The following HHIP variants were observed in gnomAD, a reference collection of about 807,000 sequenced individuals.
HHIP encodes the protein hedgehog-interacting protein.
In HHIP, 12 loss-of-function variants were observed where a neutral mutation model predicts 74.0. The ratio of observed to expected loss-of-function variants is 0.16; its 90% CI spans 0.10 to 0.26. The LOEUF (loss-of-function observed/expected upper bound fraction) is 0.26, where lower values mean the gene tolerates loss of function less well. Ranked by LOEUF, HHIP falls within the 10% of genes least tolerant of loss-of-function variation. The pLI is 1.00. For missense variants in HHIP, 788 were observed against 845.0 expected, an observed-to-expected ratio of 0.93 and a Z score of 0.84; for synonymous variants, 309 against 311.6, an observed-to-expected ratio of 0.99 and a Z score of 0.09.
chr4:144,731,215 C>T (rs544719398), intron 11 of HHIP, among the ~76,000 whole-genome samples: 12 of 152,200 alleles, frequency 7.9e-5, no homozygotes, highest in African/African-American at 2.9e-4. Flanking sequence ...ATAGAAGGGG[C>T]ACAAACACCC....
chr4:144,646,994 T>C, intron 1 of HHIP, 40 bp downstream of exon 1: 1 of 1,539,338 alleles, frequency 6.5e-7, no homozygotes, highest in Middle Eastern at 2.1e-4. Flanking sequence ...ACTTGGCATA[T>C]TGGCTGGGTG....
chr4:144,649,552 A>G (rs929815802), intron 1 of HHIP, among the ~76,000 whole-genome samples: 1 of 152,196 alleles, frequency 6.6e-6, no homozygotes, highest in Non-Finnish European at 1.5e-5. Flanking sequence ...AAGTCATATT[A>G]TCTTAGCAAT....
intron 4 of HHIP, among the ~76,000 whole-genome samples, chr4:144,686,810 A>G (rs1729499863): frequency 6.6e-6 from 1 of 151,918 alleles, no homozygotes; most frequent in African/African-American, 2.4e-5. Context: ...TTTCTTAGCA[A>G]TGCAGCTTGT....
At chr4:144,682,965 G>C (rs910572612) in intron 4 of HHIP, among the ~76,000 whole-genome samples, 1 of 152,112 alleles carries the variant, frequency 6.6e-6, no homozygotes, top group East Asian at 1.9e-4. Flanking sequence ...ATATATTTGC[G>C]TTTAGAGGAA....
chr4:144,717,546 G>T lies in HHIP; in HGVS notation c.1679-1329G>T, dbSNP rs182012799. Among the ~76,000 whole-genome samples, 190 of 152,226 alleles carry T rather than the reference G, an allele frequency of 1.2e-3. No individual in the cohort carries two copies. The Middle Eastern group carries it at 0.014, about 11-fold the overall frequency. On this transcript the variant is annotated intron_variant, in intron 10 of 12. Coordinates refer to ENST00000296575, the MANE Select transcript of HHIP (RefSeq NM_022475.3). Reference sequence around the variant, plus strand: ...ATATAAATTTTAAAACTTTATAAATGTGTAATTATAAATATGGCTTCAAAT... The same window carrying T: ...ATATAAATTTTAAAACTTTATAAATTTGTAATTATAAATATGGCTTCAAAT...
In HHIP at chr4:144,708,150, T is replaced by C; in HGVS notation, c.1158-18T>C. On this transcript the variant is annotated intron_variant, in intron 6 of 12. Coordinates refer to ENST00000296575, the MANE Select transcript of HHIP (RefSeq NM_022475.3). ...TAATGAAAATGTAAAACACATACTC[T>C]GTCCCCCAATTTCTCAGTGATTTCA... The C allele has an allele frequency of 6.2e-7, 1 of 1,613,398 alleles. No individual in the cohort carries two copies. Among genetic ancestry groups the C allele is most frequent in the Non-Finnish European group, 8.5e-7 (1 of 1,179,340 alleles).
In HHIP at chr4:144,724,668, GTA is replaced by G. The variant is rs1019334862; in HGVS notation, c.1760+5724_1760+5725del. ...TTCTTTTGTGTGTGTGTGTGTGTGT[GTA>G]TATATATATATTTATATATATATAT... On this transcript the variant is annotated intron_variant, in intron 11 of 12. Transcript: ENST00000296575. Among the ~76,000 whole-genome samples the G allele has an allele frequency of 1.4e-4, 15 of 106,914 alleles. No individual in the cohort carries two copies. In the East Asian group the frequency reaches 2.3e-3, roughly 16 times the overall value. 70.1% of individuals were successfully genotyped at this position (106,914 alleles called of 152,430 possible). A position where few individuals can be genotyped will look rare whatever the true frequency, so the allele number is the denominator to read the frequency against.
At chr4:144,706,156 G>C (rs1268991659) in intron 4 of HHIP, among the ~76,000 whole-genome samples, 1 of 152,348 alleles carries the variant, frequency 6.6e-6, no homozygotes, top group East Asian at 1.9e-4. Context: ...AGAAGTGACT[G>C]TTGATTATGA....
At chr4:144,647,779 G>A (rs1238413837) in intron 1 of HHIP, among the ~76,000 whole-genome samples, 1 of 152,132 alleles carries the variant, frequency 6.6e-6, no homozygotes, top group African/African-American at 2.4e-5. Context: ...TGCAGTCATG[G>A]GTGGTATCTA....
chr4:144,665,330 A>C (rs1728831158), intron 4 of HHIP, among the ~76,000 whole-genome samples: 1 of 152,142 alleles, frequency 6.6e-6, no homozygotes, highest in Admixed American at 6.5e-5. Flanking sequence ...CAGCCTCCCA[A>C]AGTGCTAGGA....
At chr4:144,727,318 C>T (rs1397525464) in intron 11 of HHIP, among the ~76,000 whole-genome samples, 3 of 152,082 alleles carry the variant, frequency 2.0e-5, no homozygotes, top group Non-Finnish European at 2.9e-5. Flanking sequence ...ATCTTCATGA[C>T]CTTATTTAAA....
intron 4 of HHIP, among the ~76,000 whole-genome samples, chr4:144,663,356 C>T (rs1175676618): frequency 6.6e-6 from 1 of 152,176 alleles, no homozygotes; most frequent in African/African-American, 2.4e-5. Context: ...GGCACCCAGG[C>T]ATCAATATGT....
chr4:144,674,906 G>A (rs1729133204), intron 4 of HHIP, among the ~76,000 whole-genome samples: 1 of 152,130 alleles, frequency 6.6e-6, no homozygotes, highest in African/African-American at 2.4e-5. Context: ...TAGAAACTTG[G>A]TAGGGAACTG....
At chr4:144,654,028 T>C (rs537902000) in intron 2 of HHIP, among the ~76,000 whole-genome samples, 194 of 152,332 alleles carry the variant, frequency 1.3e-3, no homozygotes, top group African/African-American at 4.3e-3. Flanking sequence ...AAATGTTTGC[T>C]GGAAACTTCA....
rs560339413 is a variant in HHIP at position 144,655,403 on chromosome 4, A to G, written c.472+2606A>G. 2.6e-5 allele frequency among the ~76,000 whole-genome samples: 4 copies of G among 152,288 alleles called. No homozygotes were observed. The East Asian group carries it at 7.7e-4, about 29-fold the overall frequency. On this transcript the variant is annotated intron_variant, in intron 2 of 12. Transcript: ENST00000296575. ...GCATAACACACTCTATGGGAAGCAT[A>G]TCGATGGACGTCTATTGGCCTTGCT...
chr4:144,709,929 C>CA (rs1308772363), intron 7 of HHIP, among the ~76,000 whole-genome samples: 4 of 152,234 alleles, frequency 2.6e-5, no homozygotes, highest in African/African-American at 9.6e-5. Context: ...CTGACATTGA[C>CA]ACGTCATAAT....
In HHIP at chr4:144,743,015, T is replaced by C. The variant is rs1451576263; in HGVS notation, c.*5058T>C. 1.6e-5 allele frequency: 2 copies of C among 122,440 alleles called. No homozygotes were observed. The highest frequency in any genetic ancestry group is 5.9e-5 in the African/African-American group (2 of 33,750). The allele number at this position is 122,440 out of a possible 1,614,324, so 7.6% of individuals were successfully genotyped here. A position where few individuals can be genotyped will look rare whatever the true frequency, so the allele number is the denominator to read the frequency against. On this transcript the variant is annotated 3_prime_UTR_variant, in exon 13 of 13. Coordinates refer to ENST00000296575, the MANE Select transcript of HHIP (RefSeq NM_022475.3). ...ATATATATAATATATATATATTATATATATATAATATATATCTTATATATA... is the reference window on the plus strand; with the variant it reads ...ATATATATAATATATATATATTATACATATATAATATATATCTTATATATA...
At chr4:144,712,522 T>A (rs1022186384) in intron 8 of HHIP, among the ~76,000 whole-genome samples, 11 of 152,148 alleles carry the variant, frequency 7.2e-5, no homozygotes, top group South Asian at 6.2e-4. Context: ...TGTAATTTTT[T>A]AAAAAATGTT....
chr4:144,694,124 T>A (rs1005370474), intron 4 of HHIP, among the ~76,000 whole-genome samples: 2 of 151,972 alleles, frequency 1.3e-5, no homozygotes, highest in Non-Finnish European at 2.9e-5. Flanking sequence ...AAGAATTTGA[T>A]TCTGCTACTT....
Sources: gnomAD v4.1 joint callset for allele counts (sites outside exome capture counted in the v4.1 genomes callset) on GRCh38, gnomAD v4.1.1 for gene constraint, MANE v1.5 for transcripts, NCBI Gene and HGNC (gene_info 2026-07-23, HGNC 2026-07-21) for gene names.